Variants in TSHZ2 observed in about 807,000 individuals in gnomAD.
TSHZ2 encodes teashirt zinc finger homeobox 2.
In TSHZ2, 21 loss-of-function variants were observed where a neutral mutation model predicts 74.4. The ratio of observed to expected loss-of-function variants is 0.28; its 90% CI spans 0.20 to 0.41. The LOEUF (loss-of-function observed/expected upper bound fraction) is 0.41. Among genes scored for constraint, TSHZ2 ranks in the 10% least tolerant of loss-of-function variants. The pLI, the probability that TSHZ2 is intolerant of heterozygous loss-of-function variation, is 1.00. For missense variants in TSHZ2, 1,244 were observed against 1,293.5 expected (o/e 0.96, Z 0.59); for synonymous variants, 540 against 515.3 (o/e 1.05, Z -0.65).
chr20:52,973,476 C>A, intron 1 of TSHZ2, 143 bp downstream of exon 1: 1 of 1,060,558 alleles, frequency 9.4e-7, no homozygotes, highest in South Asian at 1.7e-5. Flanking sequence ...ACCCCGTCCT[C>A]TCTCGCCTTC....
At chr20:53,294,324 T>C (rs1342704327) in intron 2 of TSHZ2, among the ~76,000 whole-genome samples, 1 of 152,216 alleles carries the variant, frequency 6.6e-6, no homozygotes, top group Non-Finnish European at 1.5e-5. Flanking sequence ...TAGTTGAGAT[T>C]CCATTAGGTA....
intron 2 of TSHZ2, among the ~76,000 whole-genome samples, chr20:53,349,166 C>T (rs559189113): frequency 6.6e-6 from 1 of 152,332 alleles, no homozygotes; most frequent in South Asian, 2.1e-4. Context: ...TGCTCTACCA[C>T]TAACTGGGAA....
intron 1 of TSHZ2, among the ~76,000 whole-genome samples, chr20:53,106,604 C>T (rs1600693056): frequency 2.6e-5 from 4 of 151,020 alleles, no homozygotes; most frequent in African/African-American, 9.7e-5. Flanking sequence ...TGGGGTTTCA[C>T]CATGTTAGCC....
chr20:53,106,391 C>CTTTTT (rs71194458), intron 1 of TSHZ2, among the ~76,000 whole-genome samples: 2,258 of 59,012 alleles, frequency 0.038, 440 homozygotes, highest in Non-Finnish European at 0.044. Context: ...CTCACACTTT[C>CTTTTT]TTTTTTTTTT....
chr20:53,288,230 C>G (rs1279365427), intron 2 of TSHZ2, among the ~76,000 whole-genome samples: 1 of 151,896 alleles, frequency 6.6e-6, no homozygotes, highest in Non-Finnish European at 1.5e-5. Context: ...ATGGTAAAAC[C>G]CTGTCTGGAC....
intron 1 of TSHZ2, among the ~76,000 whole-genome samples, chr20:53,224,866 AAAAAG>A (rs1989647069): frequency 6.6e-6 from 1 of 152,018 alleles, no homozygotes; most frequent in South Asian, 2.1e-4. Flanking sequence ...AAAAAAAAAA[AAAAAG>A]AACTTAATAA....
chr20:53,404,717 A>G (rs972508708), intron 2 of TSHZ2, among the ~76,000 whole-genome samples: 4 of 152,224 alleles, frequency 2.6e-5, no homozygotes, highest in African/African-American at 9.6e-5. Flanking sequence ...TTATTAGCGG[A>G]AAAGGATCAG....
At chr20:53,052,720 A>C (rs899618403) in intron 1 of TSHZ2, among the ~76,000 whole-genome samples, 10 of 152,210 alleles carry the variant, frequency 6.6e-5, no homozygotes, top group African/African-American at 2.4e-4. Flanking sequence ...GGTTACTTCC[A>C]CCTCTTGGCT....
chr20:53,068,169 G>A (rs1985052798), intron 1 of TSHZ2, among the ~76,000 whole-genome samples: 1 of 152,136 alleles, frequency 6.6e-6, no homozygotes, highest in Non-Finnish European at 1.5e-5. Flanking sequence ...CCCTTCTTCT[G>A]AATAACGTCA....
At chr20:53,229,251 A>G (rs1170655271) in intron 1 of TSHZ2, among the ~76,000 whole-genome samples, 1 of 152,060 alleles carries the variant, frequency 6.6e-6, no homozygotes, top group African/African-American at 2.4e-5. Flanking sequence ...CCCACCCCCT[A>G]GAGGAGCAGC....
At chr20:53,355,087 C>A (rs1341002879) in intron 2 of TSHZ2, among the ~76,000 whole-genome samples, 1 of 151,990 alleles carries the variant, frequency 6.6e-6, no homozygotes, top group African/African-American at 2.4e-5. Flanking sequence ...AGAGTATACC[C>A]AACACTGAGG....
chr20:53,131,972 A>G (rs1987115800), intron 1 of TSHZ2, among the ~76,000 whole-genome samples: 1 of 152,074 alleles, frequency 6.6e-6, no homozygotes, highest in African/African-American at 2.4e-5. Context: ...GTGGTGAAGG[A>G]GAGTAGAGGG....
At chr20:53,035,835 T>A (rs1983798868) in intron 1 of TSHZ2, among the ~76,000 whole-genome samples, 1 of 152,184 alleles carries the variant, frequency 6.6e-6, no homozygotes, top group African/African-American at 2.4e-5. Context: ...GGATCACTTT[T>A]ATACTACAAA....
At chr20:53,417,213 T>C (rs924433453) in intron 2 of TSHZ2, among the ~76,000 whole-genome samples, 13 of 149,356 alleles carry the variant, frequency 8.7e-5, no homozygotes, top group African/African-American at 3.2e-4. Context: ...TCCCTGAGGA[T>C]ATCTATATAC....
At chr20:53,040,305 C>G (rs149344254) in intron 1 of TSHZ2, among the ~76,000 whole-genome samples, 31 of 152,204 alleles carry the variant, frequency 2.0e-4, no homozygotes, top group African/African-American at 7.5e-4. Context: ...TCATGTTGGT[C>G]AATTTGGAGC....
chr20:52,999,326 C>T (rs1270009340), intron 1 of TSHZ2, among the ~76,000 whole-genome samples: 1 of 152,096 alleles, frequency 6.6e-6, no homozygotes, highest in Non-Finnish European at 1.5e-5. Flanking sequence ...GGGACAGAAG[C>T]AACATATATA....
intron 1 of TSHZ2, among the ~76,000 whole-genome samples, chr20:53,174,442 T>G (rs2123492520): frequency 6.6e-6 from 1 of 152,348 alleles, no homozygotes; most frequent in East Asian, 1.9e-4. Context: ...CCATGTCGAA[T>G]AAGTTCCAGC....
chr20:53,191,900 T>A lies in TSHZ2; in HGVS notation c.41-61599T>A, dbSNP rs893428441. On this transcript the variant is annotated intron_variant, in intron 1 of 2. Transcript: ENST00000371497. ...TTCTATATTGATGAGTCTTCCTTTC[T>A]TTTCACTTATTCTTTGTCTTTTTTG... Among the ~76,000 whole-genome samples the A allele has an allele frequency of 5.3e-5, 8 of 152,358 alleles. No individual in the cohort carries two copies. The South Asian group carries it at 1.7e-3, about 32-fold the overall frequency.
chr20:53,246,086 C>A (rs1317749779), intron 1 of TSHZ2, among the ~76,000 whole-genome samples: 1 of 144,618 alleles, frequency 6.9e-6, no homozygotes, highest in East Asian at 2.0e-4. Context: ...CTTGGACAGG[C>A]TGGAATGCAG....
Sources: allele counts gnomAD v4.1 joint callset (sites outside exome capture counted in the v4.1 genomes callset), GRCh38; gene constraint gnomAD v4.1.1; transcripts MANE v1.5; gene names NCBI Gene and HGNC (gene_info 2026-07-23, HGNC 2026-07-21).